Variants in CLCN1 observed in about 807,000 individuals in gnomAD.
CLCN1 encodes chloride channel protein 1.
CLCN1 carries 100 observed loss-of-function variants against 114.5 expected under a neutral mutation model. That is an observed-to-expected ratio of 0.87 (90% CI 0.74 to 1.03). The LOEUF is 1.03. Ranked by LOEUF, CLCN1 falls within the 50% of genes least tolerant of loss-of-function variation. The probability of loss-of-function intolerance (pLI) is 0.00; values close to 1 mark genes in which losing one functional copy is unlikely to be tolerated. For missense variants in CLCN1, 1,188 were observed against 1,250.0 expected (o/e 0.95, Z 0.75); for synonymous variants, 485 against 487.1 (o/e 1.00, Z 0.06).
chr7:143,324,320 A>T lies in CLCN1; in HGVS notation c.775-94A>T. 2.2e-6 allele frequency: 2 copies of T among 897,706 alleles called. No homozygotes were observed. Among genetic ancestry groups the T allele is most frequent in the Non-Finnish European group, 3.8e-6 (2 of 530,392 alleles). 55.6% of individuals were successfully genotyped at this position (897,706 alleles called of 1,614,324 possible). A position where few individuals can be genotyped will look rare whatever the true frequency, so the allele number is the denominator to read the frequency against. Reference sequence around the variant, plus strand: ...GGACTCCTTTTGACTTAGGCCTCTCATTCTGCCTTATTCCCCATCCCTGCT... The same window carrying T: ...GGACTCCTTTTGACTTAGGCCTCTCTTTCTGCCTTATTCCCCATCCCTGCT... On this transcript the variant is annotated intron_variant, in intron 6 of 22. Coordinates refer to ENST00000343257, the MANE Select transcript of CLCN1 (RefSeq NM_000083.3). This position sits in a 1 kb window ranked among gnomAD's most constrained non-coding sequence, Gnocchi z 4.6.
Position 143,316,302 on chromosome 7 carries a change from C to T in CLCN1, c.90C>T (p.Cys30=). 6.2e-7 allele frequency: 1 copy of T among 1,613,728 alleles called. No individual in the cohort carries two copies. The highest frequency in any genetic ancestry group is 8.5e-7 in the Non-Finnish European group (1 of 1,179,814). ...ACCAGTATATGCCCTTTGAACACTGCACCAGCTACGGACTGCCCTCTGAGA... is the reference window on the plus strand; with the variant it reads ...ACCAGTATATGCCCTTTGAACACTGTACCAGCTACGGACTGCCCTCTGAGA... ...PQYQYMPFEH[C]TSYGLPSENG... The change falls in exon 1 of 23, where the codon TGC becomes TGT. Residue 30 remains cysteine, a synonymous_variant. Transcript: ENST00000343257.
At chr7:143,347,756 A>G (rs183688608) in intron 20 of CLCN1, among the ~76,000 whole-genome samples, 11 of 152,262 alleles carry the variant, frequency 7.2e-5, no homozygotes, top group African/African-American at 2.4e-4. Flanking sequence ...GAACTGAAAA[A>G]GGAAGAAAAT....
chr7:143,351,797 T>G lies in CLCN1; in HGVS notation c.2799T>G (p.Ser933=), dbSNP rs1357088730. The G allele has an allele frequency of 3.1e-6, 5 of 1,613,982 alleles. No individual in the cohort carries two copies. The highest frequency in any genetic ancestry group is 4.2e-6 in the Non-Finnish European group (5 of 1,180,002). Reference sequence around the variant, plus strand: ...CCTCCCCAGAGACCCCTGTGCCATCTCCTTCCCCAGAGCCCCCTCTCTCCC... The same window carrying G: ...CCTCCCCAGAGACCCCTGTGCCATCGCCTTCCCCAGAGCCCCCTCTCTCCC... ...IAASPETPVP[S]PSPEPPLSLA... is the part of the protein sequence containing the mutation. The change falls in exon 23 of 23, where the codon TCT becomes TCG. Residue 933 remains serine, a synonymous_variant. Coordinates refer to ENST00000343257, the MANE Select transcript of CLCN1 (RefSeq NM_000083.3).
chr7:143,319,928 TAGG>T (rs1272182374), intron 2 of CLCN1, 53 bp downstream of exon 2: 1 of 1,601,002 alleles, frequency 6.2e-7, no homozygotes, highest in African/African-American at 1.3e-5. Context: ...GTACAGGGAT[TAGG>T]AGAATAACTT....
chr7:143,331,551 G>A lies in CLCN1; in HGVS notation c.1065G>A (p.Gly355=), dbSNP rs1455434689. Residue 355 remains glycine, a splice_region_variant and synonymous_variant, in exon 10 of 23, where the codon GGG becomes GGA. Transcript: ENST00000343257. ...LKELPAFAAI[G]ICCGLLGAVF... ...CCAACTCTATAAATTACACCCTCAG[G>A]ATTTGCTGTGGGCTCCTGGGAGCTG... is the stretch of plus-strand genomic sequence containing the variant. The A allele has an allele frequency of 6.2e-7, 1 of 1,609,956 alleles. No individual in the cohort carries two copies. Among genetic ancestry groups the A allele is most frequent in the Non-Finnish European group, 8.5e-7 (1 of 1,176,242 alleles).
At position 143,350,312 on chromosome 7, in the gene CLCN1, A is replaced by G; in HGVS notation, c.2404-60A>G. 3 of 1,372,212 alleles carry G rather than the reference A, an allele frequency of 2.2e-6. No individual in the cohort carries two copies. Among genetic ancestry groups the G allele is most frequent in the Non-Finnish European group, 3.1e-6 (3 of 970,258 alleles). The allele number at this position is 1,372,212 out of a possible 1,614,324, so 85.0% of individuals were successfully genotyped here. A position where few individuals can be genotyped will look rare whatever the true frequency, so the allele number is the denominator to read the frequency against. On this transcript the variant is annotated intron_variant, in intron 20 of 22. Coordinates refer to ENST00000343257, the MANE Select transcript of CLCN1 (RefSeq NM_000083.3). The surrounding 1 kb of genome is among the most constrained non-coding windows in gnomAD (Gnocchi z 5.1). ...AGGAGGGCCGTTTGGGGTCAAAATC[A>G]GGTATCTGGGGTGAAAGGAGGCTCT...
Position 143,345,828 on chromosome 7 carries a change from G to A in CLCN1, c.2172+66G>A, listed in dbSNP as rs79676638. The stretch of plus-strand genomic sequence containing the variant: ...GAGCAAAGGGAAAAGCGTCGTCTGG[G>A]CTGGGCTGGGCTGGGCTGGGACAGG... On this transcript the variant is annotated intron_variant, in intron 17 of 22. Coordinates refer to ENST00000343257, the MANE Select transcript of CLCN1 (RefSeq NM_000083.3). 4.0e-4 allele frequency: 615 copies of A among 1,546,276 alleles called. 4 individuals are homozygous for A. The African/African-American group carries it at 7.4e-3, about 19-fold the overall frequency.
chr7:143,342,184 G>A, intron 15 of CLCN1, 42 bp downstream of exon 15: 2 of 1,586,222 alleles, frequency 1.3e-6, no homozygotes, highest in Non-Finnish European at 1.7e-6. Context: ...CTGATGGGGA[G>A]AGTGGGAGGT....
At chr7:143,329,487 A>G (rs1053630829) in intron 7 of CLCN1, among the ~76,000 whole-genome samples, 4 of 152,140 alleles carry the variant, frequency 2.6e-5, no homozygotes, top group Non-Finnish European at 5.9e-5. Context: ...ATTTGGGAGT[A>G]ACCATTAGGC....
Position 143,345,541 on chromosome 7 carries a change from T to C in CLCN1, c.1951T>C (p.Ser651Pro), listed in dbSNP as rs754350357. 6.5e-7 allele frequency: 1 copy of C among 1,539,980 alleles called. No individual in the cohort carries two copies. Residue 651 changes from serine to proline, a missense_variant, in exon 17 of 23, where the codon TCG (serine) becomes CCG (proline). Ser to Pro is a moderately conservative substitution (Grantham distance 74, BLOSUM62 -1). Coordinates refer to ENST00000343257, the MANE Select transcript of CLCN1 (RefSeq NM_000083.3). ...DSKDSMILLG[S>P]VERSELQALL... is the part of the protein sequence containing the mutation. ...CTCAGATTCAATGATCCTGCTGGGC[T>C]CGGTGGAGCGGTCGGAACTGCAGGC...
At position 143,339,594 on chromosome 7, in the gene CLCN1, A is replaced by T. The variant is rs1166744698; in HGVS notation, c.1555A>T (p.Ile519Phe). Residue 519 changes from isoleucine (I) to phenylalanine (F), a missense_variant, in exon 14 of 23, where the codon ATC becomes TTC. Ile to Phe is a conservative substitution (Grantham distance 21, BLOSUM62 0). Transcript: ENST00000343257. The surrounding 1 kb of genome is among the most constrained non-coding windows in gnomAD (Gnocchi z 4.1). ...GILFDDIIYK[I>F]LPGGYAVIGA... ...TTTGTTTGATGACATCATCTACAAGATCCTACCTGGGGGCTATGCAGTAAT... is the reference window on the plus strand; with the variant it reads ...TTTGTTTGATGACATCATCTACAAGTTCCTACCTGGGGGCTATGCAGTAAT... 6.8e-6 allele frequency: 11 copies of T among 1,612,264 alleles called. No individual in the cohort carries two copies. Among genetic ancestry groups the T allele is most frequent in the Non-Finnish European group, 9.3e-6 (11 of 1,178,308 alleles).
intron 12 of CLCN1, among the ~76,000 whole-genome samples, chr7:143,338,208 A>G (rs1472721647): frequency 2.0e-5 from 3 of 152,038 alleles, no homozygotes; most frequent in South Asian, 2.1e-4. Context: ...CTCAATTTCT[A>G]TTGGAGTTCT....
rs930591054 is a variant in CLCN1 at position 143,324,128 on chromosome 7, T to C, written c.775-286T>C. Reference sequence around the variant, plus strand: ...TTTCTGGAGTTCTTGCTGTCTCTTTTCTGCTTATCATTTATTGATTTACGT... The same window carrying C: ...TTTCTGGAGTTCTTGCTGTCTCTTTCCTGCTTATCATTTATTGATTTACGT... On this transcript the variant is annotated intron_variant, in intron 6 of 22. Coordinates refer to ENST00000343257, the MANE Select transcript of CLCN1 (RefSeq NM_000083.3). This position sits in a 1 kb window ranked among gnomAD's most constrained non-coding sequence, Gnocchi z 4.6. Among the ~76,000 whole-genome samples, 9 of 152,360 alleles carry C rather than the reference T, an allele frequency of 5.9e-5. No homozygotes were observed. The highest frequency in any genetic ancestry group is 2.2e-4 in the African/African-American group (9 of 41,588).
Position 143,339,412 on chromosome 7 carries a change from T to C in CLCN1, c.1471+90T>C. 3.6e-6 allele frequency: 5 copies of C among 1,385,872 alleles called. No homozygotes were observed. In the South Asian group the frequency reaches 5.8e-5, roughly 16 times the overall value. 85.8% of individuals were successfully genotyped at this position (1,385,872 alleles called of 1,614,324 possible). ...GGAAAGGCCCGGGATGCTGGGAGTT[T>C]ATATTTGTTCTTAATGCCCAAGGAG... is the stretch of plus-strand genomic sequence containing the variant. On this transcript the variant is annotated intron_variant, in intron 13 of 22. Coordinates refer to ENST00000343257, the MANE Select transcript of CLCN1 (RefSeq NM_000083.3). This position sits in a 1 kb window ranked among gnomAD's most constrained non-coding sequence, Gnocchi z 4.1.
In CLCN1 at chr7:143,321,674, C is replaced by T. The variant is rs1802438755; in HGVS notation, c.563-41C>T. ...TTCTGGACATTCATCTCCCTTTTCA[C>T]CTTCACCTTGACCCTGCACATAATC... On this transcript the variant is annotated intron_variant, in intron 4 of 22. Transcript: ENST00000343257. This position sits in a 1 kb window ranked among gnomAD's most constrained non-coding sequence, Gnocchi z 4.2. 2 of 1,613,974 alleles carry T rather than the reference C, an allele frequency of 1.2e-6. No individual in the cohort carries two copies. Among genetic ancestry groups the T allele is most frequent in the African/African-American group, 2.7e-5 (2 of 75,058 alleles).
chr7:143,326,522 C>T (rs771401165), intron 7 of CLCN1, among the ~76,000 whole-genome samples: 25 of 152,078 alleles, frequency 1.6e-4, no homozygotes, highest in Non-Finnish European at 2.6e-4. Flanking sequence ...ATAGCTCACT[C>T]GAAAAAGTGG....
At chr7:143,319,624 C>T (rs1266142094) in intron 1 of CLCN1, 131 bp from the exon 2 acceptor site, 1 of 916,662 alleles carries the variant, frequency 1.1e-6, no homozygotes, top group Non-Finnish European at 1.8e-6. Context: ...ACAAAGTCAC[C>T]CTGCATGCAG....
At chr7:143,323,956 G>T in intron 6 of CLCN1, 1 of 437,814 alleles carries the variant, frequency 2.3e-6, no homozygotes, top group Non-Finnish European at 4.6e-6. Context: ...GGGGGTTTTG[G>T]GTGGCTGCCA....
At chr7:143,343,235 A>G (rs1803137195) in intron 16 of CLCN1, among the ~76,000 whole-genome samples, 1 of 152,240 alleles carries the variant, frequency 6.6e-6, no homozygotes, top group African/African-American at 2.4e-5. Context: ...TATTTTCTCA[A>G]TAAGGCTCAT....
Sources: gnomAD v4.1 joint callset for allele counts (sites outside exome capture counted in the v4.1 genomes callset) on GRCh38, gnomAD v4.1.1 for gene constraint, Gnocchi (gnomAD v3.1) non-coding constraint, MANE v1.5 for transcripts, NCBI Gene and HGNC (gene_info 2026-07-23, HGNC 2026-07-21) for gene names.